The following GLI4 variants were observed in gnomAD, a reference collection of about 807,000 sequenced individuals.
GLI4 encodes the protein GLI family zinc finger 4, also known as zinc finger protein GLI4.
A neutral mutation model predicts 30.9 loss-of-function variants in GLI4; 34 were observed. That is an observed-to-expected ratio of 1.10 (90% CI 0.84 to 1.47). The LOEUF is 1.47. Ranked by LOEUF, GLI4 falls within the 40% of genes most tolerant of loss-of-function variation. GLI4 has a pLI of 0.00. For missense variants in GLI4, 696 were observed against 538.9 expected (o/e 1.29, Z -2.89); for synonymous variants, 277 against 236.7 (o/e 1.17, Z -1.56).
At chr8:143,271,039 G>A (rs1202210072) in intron 2 of GLI4, among the ~76,000 whole-genome samples, 1 of 152,164 alleles carries the variant, frequency 6.6e-6, no homozygotes, top group Non-Finnish European at 1.5e-5. Flanking sequence ...AGCCAGGCAT[G>A]AGTCCCCAGC....
intron 2 of GLI4, among the ~76,000 whole-genome samples, chr8:143,271,377 G>A (rs1442233725): frequency 7.2e-5 from 11 of 152,094 alleles, no homozygotes; most frequent in African/African-American, 2.7e-4. Context: ...TAGAGAGAAC[G>A]GGGCCAGGCC....
chr8:143,273,075 ACTTT>A (rs1469466541), intron 2 of GLI4: 1 of 152,280 alleles, frequency 6.6e-6, no homozygotes, highest in Non-Finnish European at 1.5e-5. Flanking sequence ...AATCGGGGTC[ACTTT>A]CTTTCTCAAA....
chr8:143,270,454 G>A (rs1003342738), intron 2 of GLI4, among the ~76,000 whole-genome samples: 9 of 152,202 alleles, frequency 5.9e-5, no homozygotes, highest in East Asian at 1.9e-4. Context: ...GCGGTGTCCC[G>A]AGCAACTCCC....
Position 143,275,190 on chromosome 8 carries a change from C to A in GLI4, c.223+388C>A, listed in dbSNP as rs528145102. On this transcript the variant is annotated intron_variant, in intron 3 of 3. Transcript: ENST00000340042. ...TGTGTCCCCTCCTCCTCCTGCATCC[C>A]CTAGATGGCCTCCCCTCAGCCTGGT... is the stretch of plus-strand genomic sequence containing the variant. The A allele has an allele frequency of 3.4e-5, 52 of 1,535,710 alleles. No individual in the cohort carries two copies. In the African/African-American group the frequency reaches 6.2e-4, roughly 18 times the overall value.
In GLI4 at chr8:143,276,007, C is replaced by T. The variant is rs1367586265; in HGVS notation, c.334C>T (p.Arg112Trp). ...CCTGAGGAGCCTTCCCCGCAGGGCCCGGTGCAGCGCCGGCTTCGGGCCTGA... is the reference window on the plus strand; with the variant it reads ...CCTGAGGAGCCTTCCCCGCAGGGCCTGGTGCAGCGCCGGCTTCGGGCCTGA... ...SLLRSLPRRA[R>W]CSAGFGPESS... The change falls in exon 4 of 4, where the codon CGG (arginine) becomes TGG (tryptophan). Residue 112 changes from arginine (R) to tryptophan (W), a missense_variant. By Grantham distance (101) the Arg-to-Trp change is moderately radical. Coordinates refer to ENST00000340042, the MANE Select transcript of GLI4 (RefSeq NM_138465.4). The T allele has an allele frequency of 2.1e-6, 3 of 1,408,398 alleles. No homozygotes were observed. Among genetic ancestry groups the T allele is most frequent in the South Asian group, 1.5e-5 (1 of 65,646 alleles). 87.2% of individuals were successfully genotyped at this position (1,408,398 alleles called of 1,614,324 possible).
intron 2 of GLI4, among the ~76,000 whole-genome samples, chr8:143,270,538 G>A (rs1202434416): frequency 6.6e-6 from 1 of 152,216 alleles, no homozygotes; most frequent in Non-Finnish European, 1.5e-5. Context: ...ACCTGGCCAG[G>A]GGCTACCTGG....
intron 2 of GLI4, among the ~76,000 whole-genome samples, chr8:143,271,010 T>C (rs769477986): frequency 1.3e-5 from 2 of 151,986 alleles, no homozygotes; most frequent in Non-Finnish European, 2.9e-5. Context: ...CCACCAGCTG[T>C]GGGCAGCCAG....
chr8:143,276,901 G>C lies in GLI4; in HGVS notation c.*97G>C. The C allele has an allele frequency of 1.3e-6, 1 of 766,220 alleles. No individual in the cohort carries two copies. 47.5% of individuals were successfully genotyped at this position (766,220 alleles called of 1,614,324 possible). A position where few individuals can be genotyped will look rare whatever the true frequency, so the allele number is the denominator to read the frequency against. ...CACTGCCCAGCACCGCATGCCACGT[G>C]TCCGGAATAAATTCTTTTTGATTGT... is the stretch of plus-strand genomic sequence containing the variant. On this transcript the variant is annotated 3_prime_UTR_variant, in exon 4 of 4. Coordinates refer to ENST00000340042, the MANE Select transcript of GLI4 (RefSeq NM_138465.4).
chr8:143,274,885 C>T, intron 3 of GLI4, 83 bp downstream of exon 3: 3 of 1,499,516 alleles, frequency 2.0e-6, no homozygotes, highest in Non-Finnish European at 9.0e-7. Flanking sequence ...TGTGGCACCC[C>T]CAATGCTGGC....
At chr8:143,274,138 ATTCCTCAGGCTCT>A (rs1166981130) in intron 2 of GLI4, among the ~76,000 whole-genome samples, 1 of 152,104 alleles carries the variant, frequency 6.6e-6, no homozygotes, top group Non-Finnish European at 1.5e-5. Context: ...GGCCCAGCCC[ATTCCTCAGGCTCT>A]GCCTGAGGAA....
intron 2 of GLI4, among the ~76,000 whole-genome samples, chr8:143,270,065 A>G (rs952548407): frequency 6.6e-6 from 1 of 152,250 alleles, no homozygotes; most frequent in African/African-American, 2.4e-5. Context: ...CTCAGAGGTC[A>G]GGGATCCTGA....
chr8:143,268,920 TG>T (rs1458857161), intron 1 of GLI4, among the ~76,000 whole-genome samples: 4 of 150,680 alleles, frequency 2.7e-5, no homozygotes, highest in African/African-American at 9.8e-5. Context: ...CTCGGCTCAC[TG>T]CAACCTCCAC....
In GLI4 at chr8:143,274,744, C is replaced by T. The variant is rs146091247; in HGVS notation, c.165C>T (p.Ser55=). The T allele has an allele frequency of 3.2e-5, 50 of 1,570,080 alleles. 1 individual carries two copies. In the African/African-American group the frequency reaches 3.8e-4, roughly 12 times the overall value. Residue 55 remains serine, a synonymous_variant, in exon 3 of 4, where the codon TCC becomes TCT. Transcript: ENST00000340042. Reference sequence around the variant, plus strand: ...GCCCTAAGGTGCTCTCCCAGCCGTCCGACCTGGATCTCCAAGACGTAGAGG... The same window carrying T: ...GCCCTAAGGTGCTCTCCCAGCCGTCTGACCTGGATCTCCAAGACGTAGAGG... ...GSSPKVLSQP[S]DLDLQDVEEV...
intron 3 of GLI4, 44 bp downstream of exon 3, chr8:143,274,846 C>A (rs559032241): frequency 1.3e-6 from 2 of 1,521,244 alleles, no homozygotes; most frequent in Non-Finnish European, 1.8e-6. Flanking sequence ...GAGCTCTGCG[C>A]GTGCCAGGCT....
intron 2 of GLI4, chr8:143,274,442 GT>G (rs1815338595): frequency 6.3e-6 from 2 of 318,648 alleles, no homozygotes; most frequent in Non-Finnish European, 1.2e-5. Flanking sequence ...GCTCCCCCAG[GT>G]TTTGGCTCTG....
At chr8:143,269,225 TCCTC>T in intron 1 of GLI4, 131 bp from the exon 2 acceptor site, 1 of 696,748 alleles carries the variant, frequency 1.4e-6, no homozygotes, top group Admixed American at 2.3e-5. Flanking sequence ...TGTGGGTTCA[TCCTC>T]CATCCTTGCT....
At chr8:143,268,790 C>G (rs1815197879) in intron 1 of GLI4, among the ~76,000 whole-genome samples, 2 of 148,690 alleles carry the variant, frequency 1.3e-5, no homozygotes, top group South Asian at 4.2e-4. Context: ...TGCTGTGCCG[C>G]CCAGGCGGTG....
At chr8:143,269,808 C>T (rs1330899412) in intron 2 of GLI4, among the ~76,000 whole-genome samples, 1 of 152,218 alleles carries the variant, frequency 6.6e-6, no homozygotes, top group East Asian at 1.9e-4. Flanking sequence ...GGGAAAGTGG[C>T]CTCAAAATCT....
chr8:143,271,086 T>C (rs1815257976), intron 2 of GLI4, among the ~76,000 whole-genome samples: 1 of 152,154 alleles, frequency 6.6e-6, no homozygotes, highest in African/African-American at 2.4e-5. Context: ...ACTGGAGCCA[T>C]GTCCGAGTGC....
Sources: gnomAD v4.1 joint callset for allele counts (sites outside exome capture counted in the v4.1 genomes callset) on GRCh38, gnomAD v4.1.1 for gene constraint, MANE v1.5 for transcripts, NCBI Gene and HGNC (gene_info 2026-07-23, HGNC 2026-07-21) for gene names.